VAT1L: variants seen among roughly 807,000 people sequenced by gnomAD.
The protein encoded by VAT1L is putative NADPH-dependent quinone oxidoreductase VAT1L.
Under a neutral mutation model 44.1 loss-of-function variants are expected in VAT1L, and 34 were observed. That is an observed-to-expected ratio of 0.77 (90% confidence interval 0.59 to 1.03). VAT1L has a LOEUF of 1.03. Among genes scored for constraint, VAT1L ranks in the 50% least tolerant of loss-of-function variants. The pLI, the probability that VAT1L is intolerant of heterozygous loss-of-function variation, is 0.00. For synonymous variants in VAT1L, 253 were observed against 202.2 expected (o/e 1.25, Z -2.13); for missense variants, 615 against 538.8 (o/e 1.14, Z -1.40).
chr16:77,953,592 G>T (rs144320170), intron 7 of VAT1L, among the ~76,000 whole-genome samples: 1 of 152,002 alleles, frequency 6.6e-6, no homozygotes, highest in African/African-American at 2.4e-5. Flanking sequence ...CCAGGCTGGA[G>T]CACAGTGGTG....
chr16:77,789,524 G>A (rs976578075), intron 1 of VAT1L, among the ~76,000 whole-genome samples: 1 of 152,178 alleles, frequency 6.6e-6, no homozygotes, highest in Non-Finnish European at 1.5e-5. Context: ...CTGGGACAGG[G>A]TGCAGGGCTG....
intron 7 of VAT1L, among the ~76,000 whole-genome samples, chr16:77,886,720 A>AG (rs2142463138): frequency 1.3e-5 from 2 of 152,320 alleles, no homozygotes; most frequent in South Asian, 4.1e-4. Context: ...TAAGCAAGGT[A>AG]GCTGCCTGTC....
At chr16:77,909,849 C>T (rs2017480212) in intron 7 of VAT1L, among the ~76,000 whole-genome samples, 1 of 152,054 alleles carries the variant, frequency 6.6e-6, no homozygotes, top group African/African-American at 2.4e-5. Context: ...TGAATTTTTC[C>T]ATGCCTGCAT....
chr16:77,937,437 A>C (rs185100030), intron 7 of VAT1L, among the ~76,000 whole-genome samples: 1 of 152,348 alleles, frequency 6.6e-6, no homozygotes, highest in East Asian at 1.9e-4. Flanking sequence ...GAATTAAAGA[A>C]AGAGGAGAGA....
At chr16:77,854,884 G>T (rs900512180) in intron 3 of VAT1L, among the ~76,000 whole-genome samples, 1 of 152,144 alleles carries the variant, frequency 6.6e-6, no homozygotes, top group Non-Finnish European at 1.5e-5. Context: ...GTAACAGAAA[G>T]TTCCATTTTC....
chr16:77,970,021 C>A (rs73568676), intron 7 of VAT1L, among the ~76,000 whole-genome samples: 1 of 138,234 alleles, frequency 7.2e-6, no homozygotes, highest in African/African-American at 2.7e-5. Context: ...CATGAGCAGC[C>A]TGGGCAACAT....
chr16:77,950,052 C>T (rs987750392), intron 7 of VAT1L, among the ~76,000 whole-genome samples: 1 of 152,214 alleles, frequency 6.6e-6, no homozygotes, highest in Non-Finnish European at 1.5e-5. Flanking sequence ...GTGGTTGCCT[C>T]ATAATCACTT....
chr16:77,837,871 A>G (rs775338100), intron 3 of VAT1L, among the ~76,000 whole-genome samples: 8 of 152,206 alleles, frequency 5.3e-5, no homozygotes, highest in Non-Finnish European at 8.8e-5. Flanking sequence ...GTTAGCTGCT[A>G]TTATTCCTAT....
intron 3 of VAT1L, among the ~76,000 whole-genome samples, chr16:77,844,557 C>T (rs1025098564): frequency 2.6e-5 from 4 of 152,026 alleles, no homozygotes; most frequent in Non-Finnish European, 5.9e-5. Context: ...TACAGGTGCC[C>T]ACCACCACGC....
intron 2 of VAT1L, among the ~76,000 whole-genome samples, chr16:77,819,915 A>C (rs2016422519): frequency 6.6e-6 from 1 of 152,060 alleles, no homozygotes; most frequent in Admixed American, 6.5e-5. Flanking sequence ...CTCTTTCCTC[A>C]TTTTCCATGC....
chr16:77,893,556 C>T (rs2017290503), intron 7 of VAT1L, among the ~76,000 whole-genome samples: 1 of 152,198 alleles, frequency 6.6e-6, no homozygotes, highest in African/African-American at 2.4e-5. Flanking sequence ...TGAGAGAAGG[C>T]TGAATAATTA....
At chr16:77,863,505 A>G (rs1286467756) in intron 4 of VAT1L, among the ~76,000 whole-genome samples, 1 of 152,246 alleles carries the variant, frequency 6.6e-6, no homozygotes, top group Admixed American at 6.5e-5. Flanking sequence ...CCTGGAGTCA[A>G]GCCAGGCATT....
rs182790402 is a variant in VAT1L, at chr16:77,952,268, C to T, written c.1078-19582C>T. ...TTAGGGACCTACAGTCAGGAAGAAA[C>T]CTGTTGATACAGTTTGGATCTGTGT... On this transcript the variant is annotated intron_variant, in intron 7 of 8. Coordinates refer to ENST00000302536, the MANE Select transcript of VAT1L (RefSeq NM_020927.3). 3.0e-4 allele frequency among the ~76,000 whole-genome samples: 46 copies of T among 152,224 alleles called. 1 individual carries two copies. In the East Asian group the frequency reaches 7.0e-3, roughly 23 times the overall value.
chr16:77,964,115 A>G (rs997574450), intron 7 of VAT1L, among the ~76,000 whole-genome samples: 2 of 151,862 alleles, frequency 1.3e-5, no homozygotes, highest in African/African-American at 4.8e-5. Context: ...ATCCACCTGG[A>G]GCCAAAGCAT....
At chr16:77,965,723 G>C (rs1218772877) in intron 7 of VAT1L, among the ~76,000 whole-genome samples, 1 of 152,202 alleles carries the variant, frequency 6.6e-6, no homozygotes, top group Non-Finnish European at 1.5e-5. Flanking sequence ...CCAAGAGATA[G>C]CTGCCCAGGC....
At chr16:77,893,234 TG>T (rs1368118345) in intron 7 of VAT1L, among the ~76,000 whole-genome samples, 2 of 152,160 alleles carry the variant, frequency 1.3e-5, no homozygotes, top group African/African-American at 4.8e-5. Context: ...GTGGCAATTT[TG>T]GGGGCATGAA....
chr16:77,889,496 A>C (rs982158318), intron 7 of VAT1L, among the ~76,000 whole-genome samples: 1 of 152,184 alleles, frequency 6.6e-6, no homozygotes, highest in Non-Finnish European at 1.5e-5. Flanking sequence ...GCTGTGTGCT[A>C]ATCCTCTTTT....
intron 3 of VAT1L, among the ~76,000 whole-genome samples, chr16:77,832,543 T>C (rs1248080617): frequency 6.6e-6 from 1 of 152,190 alleles, no homozygotes; most frequent in East Asian, 1.9e-4. Flanking sequence ...GGCATCCAGC[T>C]AAGACATTTG....
chr16:77,861,568 C>T (rs2016914767), intron 3 of VAT1L, among the ~76,000 whole-genome samples: 1 of 152,258 alleles, frequency 6.6e-6, no homozygotes, highest in Non-Finnish European at 1.5e-5. Context: ...CTAAGTGTCA[C>T]ATTTTGTGCC....
Sources: gnomAD v4.1 joint callset for allele counts (sites outside exome capture counted in the v4.1 genomes callset) on GRCh38, gnomAD v4.1.1 for gene constraint, MANE v1.5 for transcripts, NCBI Gene and HGNC (gene_info 2026-07-23, HGNC 2026-07-21) for gene names.